The following HEATR5A variants were observed in gnomAD, a reference collection of about 807,000 sequenced individuals.
HEATR5A encodes the protein HEAT repeat-containing protein 5A.
HEATR5A carries 178 observed loss-of-function variants against 218.8 expected under a neutral mutation model. That is an observed-to-expected ratio of 0.81 (90% CI 0.72 to 0.92). The LOEUF (loss-of-function observed/expected upper bound fraction) is 0.92. Among genes scored for constraint, HEATR5A ranks in the 40% least tolerant of loss-of-function variants. The pLI is 0.00. For missense variants in HEATR5A, 2,420 were observed against 2,418.9 expected, an observed-to-expected ratio of 1.00 and a Z score of -0.01; for synonymous variants, 864 against 871.6, an observed-to-expected ratio of 0.99 and a Z score of 0.15.
At chr14:31,401,223 G>A (rs1379035764) in intron 2 of HEATR5A, among the ~76,000 whole-genome samples, 1 of 152,040 alleles carries the variant, frequency 6.6e-6, no homozygotes. Flanking sequence ...ATGTTTCAGG[G>A]GAGGGGCCTG....
At chr14:31,415,096 C>T (rs1459328375) in intron 1 of HEATR5A, among the ~76,000 whole-genome samples, 1 of 152,196 alleles carries the variant, frequency 6.6e-6, no homozygotes, top group Non-Finnish European at 1.5e-5. Context: ...CCTTGGCCTC[C>T]CAAAGTGCTG....
chr14:31,320,232 C>T (rs1303340428), intron 25 of HEATR5A: 14 of 666,218 alleles, frequency 2.1e-5, no homozygotes, highest in East Asian at 3.1e-5. Context: ...CCTCACATGG[C>T]GAACAGGATG....
intron 29 of HEATR5A, 110 bp downstream of exon 29, chr14:31,308,824 G>T: frequency 2.5e-6 from 2 of 803,850 alleles, no homozygotes; most frequent in Non-Finnish European, 3.7e-6. Flanking sequence ...AGCTTGAGTT[G>T]AAATCGTGCC....
At chr14:31,357,202 G>C (rs1170133894) in intron 16 of HEATR5A, among the ~76,000 whole-genome samples, 3 of 152,112 alleles carry the variant, frequency 2.0e-5, no homozygotes, top group African/African-American at 7.2e-5. Context: ...ACTATCTTTT[G>C]AAACTGAAGC....
chr14:31,314,139 G>A (rs1899842083), intron 27 of HEATR5A, among the ~76,000 whole-genome samples: 2 of 151,958 alleles, frequency 1.3e-5, no homozygotes, highest in South Asian at 2.1e-4. Context: ...GTAGAGATGG[G>A]GTTTCACCAC....
In HEATR5A at chr14:31,340,312, CACATACTGG is replaced by C. The variant is rs1900799377; in HGVS notation, c.3229-2707_3229-2699del. On this transcript the variant is annotated intron_variant, in intron 21 of 35. Transcript: ENST00000543095. ...CAAATAAACACCACGAAACATGCTA[CACATACTGG>C]ACTTAGCATTAATGGTTCGCTTAAA... 5 of 388,696 alleles carry C rather than the reference CACATACTGG, an allele frequency of 1.3e-5. No individual in the cohort carries two copies. The Admixed American group carries it at 1.7e-4, about 14-fold the overall frequency. The allele number at this position is 388,696 out of a possible 1,614,324, so 24.1% of individuals were successfully genotyped here. A position where few individuals can be genotyped will look rare whatever the true frequency, so the allele number is the denominator to read the frequency against.
At position 31,398,393 on chromosome 14, in the gene HEATR5A, A is replaced by C. The variant is rs567849934; in HGVS notation, c.447+280T>G. Among the ~76,000 whole-genome samples, 18 of 152,328 alleles carry C rather than the reference A, an allele frequency of 1.2e-4. No homozygotes were observed. In the South Asian group the frequency reaches 3.7e-3, roughly 32 times the overall value. On this transcript the variant is annotated intron_variant, in intron 4 of 35. Transcript: ENST00000543095. ...ACTATCAAATAGAAAAGATGGAGTA[A>C]GAGGAGAGAGTAGGGATGGGACTGT...
chr14:31,405,929 C>T (rs2031044652), intron 1 of HEATR5A, among the ~76,000 whole-genome samples: 1 of 152,158 alleles, frequency 6.6e-6, no homozygotes, highest in Admixed American at 6.5e-5. Context: ...AAAGTCATCT[C>T]TAATGCCCTC....
At chr14:31,401,691 T>C (rs747331489) in intron 2 of HEATR5A, among the ~76,000 whole-genome samples, 5 of 152,160 alleles carry the variant, frequency 3.3e-5, no homozygotes, top group African/African-American at 7.2e-5. Context: ...ATGTCCAAAT[T>C]TGTATTTTCA....
intron 11 of HEATR5A, among the ~76,000 whole-genome samples, chr14:31,376,887 G>A (rs764906223): frequency 1.3e-5 from 2 of 152,166 alleles, no homozygotes. Context: ...CACTTTGGAA[G>A]GGCAAGACAG....
chr14:31,323,508 T>C, intron 24 of HEATR5A, 57 bp downstream of exon 24: 3 of 1,388,206 alleles, frequency 2.2e-6, no homozygotes, highest in Non-Finnish European at 2.9e-6. Context: ...ATTAAAACCA[T>C]AAGCAGACAG....
intron 21 of HEATR5A, chr14:31,340,355 T>C (rs1900801290): frequency 7.7e-6 from 4 of 519,976 alleles, no homozygotes; most frequent in African/African-American, 3.4e-5. Flanking sequence ...AAAAAAGAGA[T>C]GCAGAGGAAA....
intron 18 of HEATR5A, among the ~76,000 whole-genome samples, chr14:31,348,539 C>T (rs1473243890): frequency 1.3e-5 from 2 of 152,166 alleles, no homozygotes; most frequent in African/African-American, 2.4e-5. Context: ...GCCACAATCA[C>T]ACCACTGTAC....
chr14:31,391,309 G>C (rs910819795), intron 6 of HEATR5A, among the ~76,000 whole-genome samples: 1 of 151,998 alleles, frequency 6.6e-6, no homozygotes, highest in African/African-American at 2.4e-5. Context: ...GCTAATTTTT[G>C]CATTTTTAGT....
chr14:31,400,435 G>A lies in HEATR5A; in HGVS notation c.204C>T (p.Thr68=). 3 of 1,535,900 alleles carry A rather than the reference G, an allele frequency of 2.0e-6. No homozygotes were observed. The highest frequency in any genetic ancestry group is 2.6e-6 in the Non-Finnish European group (3 of 1,146,830). The change falls in exon 3 of 36, where the codon ACC becomes ACT. Residue 68 remains threonine, a synonymous_variant. Coordinates refer to ENST00000543095, the MANE Select transcript of HEATR5A (RefSeq NM_015473.4). ...SLLNSSPGPP[T]RKLLAKNLAI... is the part of the protein sequence containing the mutation. ...CTAGATTCTTAGCAAGCAGTTTGCGGGTAGGAGGCCCTGGGGAGCTGTTCA... is the reference window on the plus strand; with the variant it reads ...CTAGATTCTTAGCAAGCAGTTTGCGAGTAGGAGGCCCTGGGGAGCTGTTCA...
chr14:31,326,110 TAA>T, intron 23 of HEATR5A, 51 bp downstream of exon 23: 1 of 1,426,920 alleles, frequency 7.0e-7, no homozygotes, highest in Non-Finnish European at 9.8e-7. Flanking sequence ...CAATTTTATG[TAA>T]AGTTTCAAAT....
At chr14:31,335,200 A>G (rs982584798) in intron 22 of HEATR5A, among the ~76,000 whole-genome samples, 1 of 152,182 alleles carries the variant, frequency 6.6e-6, no homozygotes, top group African/African-American at 2.4e-5. Context: ...TAGTACAAAC[A>G]TAACTCTGAT....
intron 25 of HEATR5A, chr14:31,320,519 T>G: frequency 8.5e-7 from 1 of 1,179,782 alleles, no homozygotes; most frequent in Non-Finnish European, 1.2e-6. Context: ...GTAGGAAGGC[T>G]GTTTAGATGA....
Position 31,358,876 on chromosome 14 carries a change from A to G in HEATR5A, c.2235+18T>C. 6.2e-7 allele frequency: 1 copy of G among 1,601,120 alleles called. No individual in the cohort carries two copies. Among genetic ancestry groups the G allele is most frequent in the Non-Finnish European group, 8.5e-7 (1 of 1,174,560 alleles). On this transcript the variant is annotated intron_variant, in intron 15 of 35. Transcript: ENST00000543095. ...TGATCACAGATTGAATCTAATCAAG[A>G]GTAAAAAATGGCCATACCTGTTCTT... is the stretch of plus-strand genomic sequence containing the variant.
Sources: gnomAD v4.1 joint callset for allele counts (sites outside exome capture counted in the v4.1 genomes callset) on GRCh38, gnomAD v4.1.1 for gene constraint, MANE v1.5 for transcripts, NCBI Gene and HGNC (gene_info 2026-07-23, HGNC 2026-07-21) for gene names.